The following REDIC1 variants were observed in gnomAD, a reference collection of about 807,000 sequenced individuals.
The protein encoded by REDIC1 is HEI10 Interacting Protein 1.
At chr12:39,713,344 A>T in the REDIC1 span, among the ~76,000 whole-genome samples, 5 of 145,452 alleles carry the variant, frequency 3.4e-5, no homozygotes, top group African/African-American at 1.3e-4. Flanking sequence ...ACGTGTATAT[A>T]TGTGTATACA....
At chr12:39,697,814 T>C in the REDIC1 span, among the ~76,000 whole-genome samples, 1 of 151,834 alleles carries the variant, frequency 6.6e-6, no homozygotes, top group Non-Finnish European at 1.5e-5. Flanking sequence ...AAATCAGCTT[T>C]ACTAAAAGGA....
chr12:39,866,629 G>A, the REDIC1 span, among the ~76,000 whole-genome samples: 3 of 152,044 alleles, frequency 2.0e-5, no homozygotes, highest in African/African-American at 7.2e-5. Context: ...ACAGGCGCCC[G>A]CCACCTCGCC....
At chr12:39,782,436 C>T in the REDIC1 span, among the ~76,000 whole-genome samples, 1 of 152,154 alleles carries the variant, frequency 6.6e-6, no homozygotes, top group Non-Finnish European at 1.5e-5. Context: ...GCTTCCTCCT[C>T]ATTTTTCTCT....
chr12:39,719,903 G>T, the REDIC1 span, among the ~76,000 whole-genome samples: 1 of 151,986 alleles, frequency 6.6e-6, no homozygotes, highest in Admixed American at 6.6e-5. Context: ...ATTTTAAGAC[G>T]TATCTACTAG....
At chr12:39,796,301 G>A in the REDIC1 span, among the ~76,000 whole-genome samples, 127 of 151,736 alleles carry the variant, frequency 8.4e-4, no homozygotes, top group Middle Eastern at 3.4e-3. Flanking sequence ...GCAGAAATAC[G>A]GTACAATTCT....
At chr12:39,691,652 C>T in the REDIC1 span, among the ~76,000 whole-genome samples, 1 of 152,046 alleles carries the variant, frequency 6.6e-6, no homozygotes, top group Non-Finnish European at 1.5e-5. Context: ...AAAGTTATAC[C>T]TCTAAGAGCT....
At chr12:39,631,575 T>C in the REDIC1 span, among the ~76,000 whole-genome samples, 2 of 152,142 alleles carry the variant, frequency 1.3e-5, no homozygotes, top group Non-Finnish European at 2.9e-5. Context: ...TCAAGTTTTA[T>C]CTTGTAAAAA....
At chr12:39,845,141 G>C in the REDIC1 span, among the ~76,000 whole-genome samples, 1 of 151,746 alleles carries the variant, frequency 6.6e-6, no homozygotes, top group East Asian at 1.9e-4. Flanking sequence ...CTTTGTGATG[G>C]GCAGTCACGT....
the REDIC1 span, among the ~76,000 whole-genome samples, chr12:39,749,947 C>T: frequency 1.3e-5 from 2 of 152,004 alleles, no homozygotes; most frequent in Non-Finnish European, 2.9e-5. Context: ...TATGACAGAC[C>T]CACAGCCAAT....
chr12:39,902,904 T>C, the REDIC1 span, among the ~76,000 whole-genome samples: 2 of 152,272 alleles, frequency 1.3e-5, no homozygotes, highest in South Asian at 4.1e-4. Context: ...TTATTCCTTA[T>C]TGAGTTGCAT....
the REDIC1 span, among the ~76,000 whole-genome samples, chr12:39,799,214 C>T: frequency 1.4e-5 from 2 of 147,392 alleles, no homozygotes; most frequent in Non-Finnish European, 3.0e-5. Context: ...CTTGGACTCT[C>T]GAGTAGCTGG....
At chr12:39,895,651 T>TAA in the REDIC1 span, among the ~76,000 whole-genome samples, 10 of 81,694 alleles carry the variant, frequency 1.2e-4, 4 homozygotes, top group African/African-American at 3.6e-4. Context: ...CGTGTATACG[T>TAA]ACACACATAT....
At chr12:39,688,495 A>G in the REDIC1 span, among the ~76,000 whole-genome samples, 1 of 152,196 alleles carries the variant, frequency 6.6e-6, no homozygotes, top group Non-Finnish European at 1.5e-5. Context: ...TTATAATACT[A>G]ATGATAAAGG....
At chr12:39,891,898 C>T in the REDIC1 span, among the ~76,000 whole-genome samples, 1 of 152,104 alleles carries the variant, frequency 6.6e-6, no homozygotes, top group East Asian at 1.9e-4. Context: ...TATTAGTTGT[C>T]TATGGTTTTT....
the REDIC1 span, chr12:39,759,977 C>G: frequency 1.4e-6 from 2 of 1,460,406 alleles, no homozygotes; most frequent in Admixed American, 3.4e-5. Flanking sequence ...AATTGCTGTT[C>G]TTCTCCCCCC....
chr12:39,649,868 A>T, the REDIC1 span, among the ~76,000 whole-genome samples: 1 of 152,008 alleles, frequency 6.6e-6, no homozygotes, highest in South Asian at 2.1e-4. Flanking sequence ...AACTGAGACA[A>T]GTATAGCTCT....
At chr12:39,848,354 G>A in the REDIC1 span, among the ~76,000 whole-genome samples, 1 of 152,134 alleles carries the variant, frequency 6.6e-6, no homozygotes, top group Non-Finnish European at 1.5e-5. Context: ...CCATTAAAAA[G>A]TGGACAAAGG....
chr12:39,809,697 C>T, the REDIC1 span, among the ~76,000 whole-genome samples: 1 of 152,098 alleles, frequency 6.6e-6, no homozygotes, highest in Admixed American at 6.6e-5. Flanking sequence ...TGATGTTCCC[C>T]TTCCTGTGTC....
the REDIC1 span, among the ~76,000 whole-genome samples, chr12:39,825,994 A>G: frequency 6.6e-6 from 1 of 152,200 alleles, no homozygotes; most frequent in East Asian, 1.9e-4. Flanking sequence ...GGGGTGATAA[A>G]TATCTTTCTG....
Sources: gnomAD v4.1 joint callset for allele counts (sites outside exome capture counted in the v4.1 genomes callset) on GRCh38, gnomAD v4.1.1 for gene constraint, MANE v1.5 for transcripts, NCBI Gene and HGNC (gene_info 2026-07-23, HGNC 2026-07-21) for gene names.